TBC1D19: variants seen among roughly 807,000 people sequenced by gnomAD.
TBC1D19 encodes TBC1 domain family member 19, also known as TBC1 domain family, member 19.
Under a neutral mutation model 89.0 loss-of-function variants are expected in TBC1D19, and 60 were observed. The observed-to-expected ratio is 0.67, with a 90% CI of 0.55 to 0.84. The LOEUF (loss-of-function observed/expected upper bound fraction) is 0.84. TBC1D19 is among the 40% of genes least tolerant of loss of function. The pLI is 0.00. For synonymous variants in TBC1D19, 189 were observed against 199.7 expected, an observed-to-expected ratio of 0.95 and a Z score of 0.45; for missense variants, 500 against 610.8, an observed-to-expected ratio of 0.82 and a Z score of 1.91.
At chr4:26,676,486 G>A (rs540646813) in intron 11 of TBC1D19, among the ~76,000 whole-genome samples, 4 of 152,256 alleles carry the variant, frequency 2.6e-5, no homozygotes, top group South Asian at 2.1e-4. Flanking sequence ...GGAAGGCTGA[G>A]CCAGGTGAAT....
intron 5 of TBC1D19, among the ~76,000 whole-genome samples, chr4:26,637,673 A>G (rs1055160666): frequency 7.2e-5 from 11 of 152,052 alleles, no homozygotes; most frequent in African/African-American, 2.2e-4. Flanking sequence ...TGCCCGGCCT[A>G]TTTATGTATT....
the TBC1D19 span, among the ~76,000 whole-genome samples, chr4:26,816,742 G>A: frequency 1.3e-5 from 2 of 151,978 alleles, no homozygotes; most frequent in Non-Finnish European, 2.9e-5. Context: ...GACTTTTCAT[G>A]GCAAAAACCA....
chr4:26,820,562 A>C, the TBC1D19 span, among the ~76,000 whole-genome samples: 3 of 152,236 alleles, frequency 2.0e-5, no homozygotes, highest in Non-Finnish European at 4.4e-5. Flanking sequence ...TCCATTGTAC[A>C]TAAATACCAC....
At chr4:26,805,848 T>C in the TBC1D19 span, among the ~76,000 whole-genome samples, 1 of 151,820 alleles carries the variant, frequency 6.6e-6, no homozygotes, top group Non-Finnish European at 1.5e-5. Flanking sequence ...ATACAAAAAT[T>C]AAATTAGCCA....
At chr4:26,735,075 C>T (rs1406321573) in intron 15 of TBC1D19, among the ~76,000 whole-genome samples, 1 of 150,078 alleles carries the variant, frequency 6.7e-6, no homozygotes, top group African/African-American at 2.5e-5. Context: ...TATGTATACA[C>T]ATGTATATAT....
In TBC1D19 at chr4:26,616,318, A is replaced by G. The variant is rs188907698; in HGVS notation, c.218+1865A>G. 2.0e-5 allele frequency among the ~76,000 whole-genome samples: 3 copies of G among 152,292 alleles called. No individual in the cohort carries two copies. In the East Asian group the frequency reaches 5.8e-4, roughly 29 times the overall value. The stretch of plus-strand genomic sequence containing the variant: ...GTTCAGTTTATTCTTCTCAAATTTA[A>G]AAGTTGAATAAGGCATTAAACCTCT... On this transcript the variant is annotated intron_variant, in intron 3 of 20. Coordinates refer to ENST00000264866, the MANE Select transcript of TBC1D19 (RefSeq NM_018317.4).
chr4:26,728,278 T>C (rs1717432509), intron 15 of TBC1D19, among the ~76,000 whole-genome samples: 1 of 152,246 alleles, frequency 6.6e-6, no homozygotes. Context: ...CAGGTTTTTA[T>C]ATAATAGCAA....
chr4:26,853,149 C>T, the TBC1D19 span, among the ~76,000 whole-genome samples: 2 of 152,170 alleles, frequency 1.3e-5, no homozygotes, highest in African/African-American at 2.4e-5. Context: ...TGTTCTGGCC[C>T]CTATCACTTT....
intron 7 of TBC1D19, among the ~76,000 whole-genome samples, chr4:26,655,823 G>A (rs867575173): frequency 1.6e-4 from 24 of 152,176 alleles, no homozygotes; most frequent in East Asian, 5.8e-4. Flanking sequence ...CACTTCCTGC[G>A]TGAGGCAATG....
chr4:26,762,886 CCA>C, the TBC1D19 span, among the ~76,000 whole-genome samples: 1 of 152,026 alleles, frequency 6.6e-6, no homozygotes, highest in South Asian at 2.1e-4. Flanking sequence ...ATGGAGTCTC[CCA>C]TGACCCTCCA....
chr4:26,857,681 G>A, the TBC1D19 span: 2 of 152,196 alleles, frequency 1.3e-5, no homozygotes, highest in African/African-American at 2.4e-5. Flanking sequence ...AGGAGGCAGC[G>A]GGCATGCGCG....
At chr4:26,810,346 T>A in the TBC1D19 span, among the ~76,000 whole-genome samples, 5 of 152,218 alleles carry the variant, frequency 3.3e-5, no homozygotes, top group African/African-American at 1.2e-4. Context: ...CAACCTCAGA[T>A]ACCAGGTAAT....
the TBC1D19 span, among the ~76,000 whole-genome samples, chr4:26,836,516 C>T: frequency 6.6e-6 from 1 of 152,216 alleles, no homozygotes; most frequent in East Asian, 1.9e-4. Context: ...CCTGCACCCC[C>T]AGCTGCCTTT....
chr4:26,639,330 G>T (rs1170787435), intron 6 of TBC1D19, among the ~76,000 whole-genome samples: 1 of 152,052 alleles, frequency 6.6e-6, no homozygotes. Flanking sequence ...AAAGTGCTGG[G>T]ATTACAGGTG....
At chr4:26,855,788 T>A in the TBC1D19 span, among the ~76,000 whole-genome samples, 2 of 152,374 alleles carry the variant, frequency 1.3e-5, no homozygotes, top group East Asian at 3.8e-4. Flanking sequence ...TCTCTTCAAG[T>A]GCTGTAGGGA....
intron 18 of TBC1D19, among the ~76,000 whole-genome samples, chr4:26,747,999 A>T (rs1245526928): frequency 1.3e-5 from 2 of 152,220 alleles, no homozygotes; most frequent in Non-Finnish European, 2.9e-5. Flanking sequence ...AATTTATTAA[A>T]TTGAGAAAAT....
At chr4:26,796,337 C>T in the TBC1D19 span, among the ~76,000 whole-genome samples, 1 of 152,212 alleles carries the variant, frequency 6.6e-6, no homozygotes, top group Non-Finnish European at 1.5e-5. Flanking sequence ...AACTCGTCAA[C>T]ACAGTATGTC....
intron 13 of TBC1D19, among the ~76,000 whole-genome samples, chr4:26,693,054 A>C (rs975979590): frequency 2.0e-5 from 3 of 150,768 alleles, no homozygotes; most frequent in Admixed American, 6.6e-5. Flanking sequence ...TGAACCCAGG[A>C]GGTAGAGGTT....
intron 15 of TBC1D19, among the ~76,000 whole-genome samples, chr4:26,730,876 A>G (rs575190233): frequency 2.1e-4 from 32 of 152,334 alleles, no homozygotes; most frequent in Non-Finnish European, 3.1e-4. Context: ...GAGAACATGC[A>G]GGCTCTGGAA....
Sources: gnomAD v4.1 joint callset for allele counts (sites outside exome capture counted in the v4.1 genomes callset) on GRCh38, gnomAD v4.1.1 for gene constraint, MANE v1.5 for transcripts, NCBI Gene and HGNC (gene_info 2026-07-23, HGNC 2026-07-21) for gene names.